The following TGFBR3 variants were observed in gnomAD, a reference collection of about 807,000 sequenced individuals.
TGFBR3 encodes transforming growth factor beta receptor 3, also known as transforming growth factor beta receptor type 3.
TGFBR3 carries 46 observed loss-of-function variants against 87.9 expected under a neutral mutation model. The ratio of observed to expected loss-of-function variants is 0.52; its 90% CI spans 0.41 to 0.67. The LOEUF (loss-of-function observed/expected upper bound fraction) is 0.67, where lower values mean the gene tolerates loss of function less well. Ranked by LOEUF, TGFBR3 falls within the 30% of genes least tolerant of loss-of-function variation. The probability of loss-of-function intolerance (pLI) is 0.00; values close to 1 mark genes in which losing one functional copy is unlikely to be tolerated. For missense variants in TGFBR3, 866 were observed against 1,041.9 expected, an observed-to-expected ratio of 0.83 and a Z score of 2.32; for synonymous variants, 381 against 391.6, an observed-to-expected ratio of 0.97 and a Z score of 0.32.
chr1:91,797,207 G>A (rs1375072021), intron 3 of TGFBR3, 80 bp downstream of exon 3: 31 of 1,470,722 alleles, frequency 2.1e-5, no homozygotes, highest in Non-Finnish European at 2.8e-5. Flanking sequence ...AACCCCAGAA[G>A]AGAAGAAAAG....
At chr1:91,702,576 AG>A (rs1671658706) in intron 14 of TGFBR3, among the ~76,000 whole-genome samples, 1 of 152,206 alleles carries the variant, frequency 6.6e-6, no homozygotes, top group African/African-American at 2.4e-5. Context: ...TAACTTTTAG[AG>A]GTACATACTG....
At chr1:91,795,727 C>T (rs1675358069) in intron 3 of TGFBR3, among the ~76,000 whole-genome samples, 1 of 152,150 alleles carries the variant, frequency 6.6e-6, no homozygotes, top group African/African-American at 2.4e-5. Context: ...TCCTCCTCTC[C>T]TCCTTTCCCT....
Position 91,734,705 on chromosome 1 carries a change from C to T in TGFBR3, c.568+71G>A. 9 of 1,573,632 alleles carry T rather than the reference C, an allele frequency of 5.7e-6. No individual in the cohort carries two copies. The South Asian group carries it at 1.0e-4, about 18-fold the overall frequency. ...TAATTCTGTGATTCCTTGCCCTAAC[C>T]ACCTGGTTTCAGAAAAGAAAACAAT... On this transcript the variant is annotated intron_variant, in intron 5 of 16. Coordinates refer to ENST00000212355, the MANE Select transcript of TGFBR3 (RefSeq NM_003243.5).
In TGFBR3 at chr1:91,727,645, C is replaced by T. The variant is rs1163676235; in HGVS notation, c.885+14G>A. 2 of 1,613,898 alleles carry T rather than the reference C, an allele frequency of 1.2e-6. No homozygotes were observed. Among genetic ancestry groups the T allele is most frequent in the East Asian group, 2.2e-5 (1 of 44,872 alleles). On this transcript the variant is annotated intron_variant, in intron 7 of 16. Transcript: ENST00000212355. ...TTATCTAAACAAAACAAAAGACATG[C>T]TCCACCAACTTACAATAATTTTCAG...
At chr1:91,821,411 C>T (rs1436099562) in intron 2 of TGFBR3, among the ~76,000 whole-genome samples, 1 of 150,518 alleles carries the variant, frequency 6.6e-6, no homozygotes, top group African/African-American at 2.4e-5. Context: ...AATGCTTTTA[C>T]TGTGCAAATG....
At chr1:91,757,353 T>C (rs2100890891) in intron 4 of TGFBR3, among the ~76,000 whole-genome samples, 1 of 152,376 alleles carries the variant, frequency 6.6e-6, no homozygotes, top group South Asian at 2.1e-4. Context: ...CTGCCCCACA[T>C]TGCTGATATG....
intron 2 of TGFBR3, among the ~76,000 whole-genome samples, chr1:91,800,781 A>T (rs1675593871): frequency 6.6e-6 from 1 of 152,028 alleles, no homozygotes; most frequent in Non-Finnish European, 1.5e-5. Flanking sequence ...TTCAGCATAC[A>T]ACGTAATAAG....
intron 1 of TGFBR3, among the ~76,000 whole-genome samples, chr1:91,903,205 A>T (rs1222966797): frequency 1.3e-5 from 2 of 150,868 alleles, no homozygotes; most frequent in African/African-American, 4.9e-5. Flanking sequence ...CAGGCGTGGT[A>T]GTGTGTGCCT....
chr1:91,825,362 C>T (rs993532469), intron 2 of TGFBR3, among the ~76,000 whole-genome samples: 1 of 152,166 alleles, frequency 6.6e-6, no homozygotes, highest in African/African-American at 2.4e-5. Context: ...TGAAAACATG[C>T]TAAGTGAAAG....
chr1:91,793,056 T>C (rs145006052), intron 3 of TGFBR3, among the ~76,000 whole-genome samples: 2,205 of 152,328 alleles, frequency 0.014, 24 homozygotes, highest in Non-Finnish European at 0.019. Flanking sequence ...GGGCTTTTTA[T>C]GTACTGTTGT....
chr1:91,690,573 T>C (rs546051949), intron 16 of TGFBR3, among the ~76,000 whole-genome samples: 14 of 152,152 alleles, frequency 9.2e-5, no homozygotes, highest in Non-Finnish European at 7.3e-5. Context: ...CTGCAGAATT[T>C]GCCATGCGCT....
chr1:91,870,072 A>G (rs1239739700), intron 1 of TGFBR3, among the ~76,000 whole-genome samples: 2 of 152,238 alleles, frequency 1.3e-5, no homozygotes, highest in Non-Finnish European at 2.9e-5. Flanking sequence ...TTAATACTAC[A>G]TTAGCTATTT....
At chr1:91,782,883 C>A (rs12756024) in intron 3 of TGFBR3, among the ~76,000 whole-genome samples, 78,018 of 152,004 alleles carry the variant, frequency 0.51, 20,896 homozygotes, top group African/African-American at 0.67. Context: ...TTTAAGAAGA[C>A]ATCGATGCAG....
chr1:91,791,129 T>C (rs1185538242), intron 3 of TGFBR3, among the ~76,000 whole-genome samples: 1 of 152,216 alleles, frequency 6.6e-6, no homozygotes, highest in Non-Finnish European at 1.5e-5. Flanking sequence ...AGCTCTTGCA[T>C]ATCATTCTTA....
intron 12 of TGFBR3, among the ~76,000 whole-genome samples, chr1:91,712,785 A>G (rs1237036972): frequency 3.9e-5 from 6 of 152,234 alleles, no homozygotes; most frequent in Non-Finnish European, 5.9e-5. Context: ...AGTCCATTAG[A>G]TTCAAATACA....
chr1:91,894,989 C>T (rs186314419), intron 2 of TGFBR3, among the ~76,000 whole-genome samples: 46 of 152,262 alleles, frequency 3.0e-4, no homozygotes, highest in African/African-American at 1.0e-3. Flanking sequence ...CCAGGATGGT[C>T]TCGATCTCCT....
intron 2 of TGFBR3, among the ~76,000 whole-genome samples, chr1:91,825,974 A>G (rs1892005): frequency 0.99 from 150,053 of 151,036 alleles, 74,541 homozygotes; most frequent in Middle Eastern, 1. Context: ...GTGAGACCCC[A>G]TCTCAAAAAA....
At chr1:91,803,580 T>A (rs1675724566) in intron 2 of TGFBR3, among the ~76,000 whole-genome samples, 1 of 152,168 alleles carries the variant, frequency 6.6e-6, no homozygotes, top group East Asian at 1.9e-4. Flanking sequence ...ACTCTTTTTT[T>A]TATATAAGCC....
intron 2 of TGFBR3, among the ~76,000 whole-genome samples, chr1:91,893,893 A>G (rs72952824): frequency 9.2e-4 from 139 of 150,856 alleles, no homozygotes; most frequent in African/African-American, 3.4e-3. Context: ...ATTTGAGAAA[A>G]ATAATATAAA....
Sources: gnomAD v4.1 joint callset for allele counts (sites outside exome capture counted in the v4.1 genomes callset) on GRCh38, gnomAD v4.1.1 for gene constraint, MANE v1.5 for transcripts, NCBI Gene and HGNC (gene_info 2026-07-23, HGNC 2026-07-21) for gene names.